BAIAP2L1: variants seen among roughly 807,000 people sequenced by gnomAD.
The protein encoded by BAIAP2L1 is BAR/IMD domain-containing adapter protein 2-like 1.
Under a neutral mutation model 66.3 loss-of-function variants are expected in BAIAP2L1, and 35 were observed. That is an observed-to-expected ratio of 0.53 (90% CI 0.40 to 0.70). The LOEUF is 0.70. BAIAP2L1 is among the 30% of genes least tolerant of loss of function. The pLI, the probability that BAIAP2L1 is intolerant of heterozygous loss-of-function variation, is 0.00. For missense variants in BAIAP2L1, 622 were observed against 656.9 expected, an observed-to-expected ratio of 0.95 and a Z score of 0.58; for synonymous variants, 269 against 248.7, an observed-to-expected ratio of 1.08 and a Z score of -0.77.
intron 2 of BAIAP2L1, among the ~76,000 whole-genome samples, chr7:98,356,661 TAATTAA>T (rs1414307869): frequency 1.8e-5 from 1 of 54,330 alleles, no homozygotes; most frequent in Non-Finnish European, 3.9e-5. Flanking sequence ...CATTCCTGGC[TAATTAA>T]AAAAAAAAAA....
chr7:98,292,880 A>G lies in BAIAP2L1; in HGVS notation c.*641T>C. ...CCAAGAAAAGGAGCTCTCGGAGGAG[A>G]TTTCGTCGAGTGCTACGTGTGGCTG... On this transcript the variant is annotated 3_prime_UTR_variant, in exon 14 of 14. Coordinates refer to ENST00000005260, the MANE Select transcript of BAIAP2L1 (RefSeq NM_018842.5). 1.4e-6 allele frequency: 2 copies of G among 1,438,912 alleles called. No homozygotes were observed. 89.1% of individuals were successfully genotyped at this position (1,438,912 alleles called of 1,614,324 possible).
At position 98,396,938 on chromosome 7, in the gene BAIAP2L1, A is replaced by G. The variant is rs143355109; in HGVS notation, c.51+3864T>C. Among the ~76,000 whole-genome samples, 936 of 152,360 alleles carry G rather than the reference A, an allele frequency of 6.1e-3. 5 individuals are homozygous for G. Among genetic ancestry groups the G allele is most frequent in the Non-Finnish European group, 0.01 (698 of 68,032 alleles). On this transcript the variant is annotated intron_variant, in intron 1 of 13. Transcript: ENST00000005260. ...CAGGTGCTTCACACATTAAATGGAT[A>G]AATGTCCATTCATTCAACAAATATG...
rs995269752 is a variant in BAIAP2L1, at chr7:98,377,616, C to T, written c.52-15184G>A. 3.3e-5 allele frequency among the ~76,000 whole-genome samples: 5 copies of T among 151,908 alleles called. 1 individual carries two copies. The highest frequency in any genetic ancestry group is 2.6e-4 in the Admixed American group (4 of 15,220). On this transcript the variant is annotated intron_variant, in intron 1 of 13. Coordinates refer to ENST00000005260, the MANE Select transcript of BAIAP2L1 (RefSeq NM_018842.5). ...GGTGGATCACCAGAGGTCAGGAGTT[C>T]GAGATCAGCCTGGCTAACATGGTGA...
At chr7:98,373,743 A>G (rs1478140891) in intron 1 of BAIAP2L1, among the ~76,000 whole-genome samples, 2 of 152,196 alleles carry the variant, frequency 1.3e-5, no homozygotes, top group African/African-American at 4.8e-5. Context: ...CTAAGAGAAA[A>G]GCTCTAAAAT....
At position 98,354,768 on chromosome 7, in the gene BAIAP2L1, C is replaced by T. The variant is rs755037637; in HGVS notation, c.214+274G>A. On this transcript the variant is annotated intron_variant, in intron 3 of 13. Coordinates refer to ENST00000005260, the MANE Select transcript of BAIAP2L1 (RefSeq NM_018842.5). Reference sequence around the variant, plus strand: ...TCAGGAATGTAGGTCAAACTCCCAGCGGGAAGGGTGAGAGCCCAGGCACCC... The same window carrying T: ...TCAGGAATGTAGGTCAAACTCCCAGTGGGAAGGGTGAGAGCCCAGGCACCC... Among the ~76,000 whole-genome samples, 9 of 152,164 alleles carry T rather than the reference C, an allele frequency of 5.9e-5. No individual in the cohort carries two copies. The South Asian group carries it at 6.2e-4, about 10-fold the overall frequency.
intron 1 of BAIAP2L1, among the ~76,000 whole-genome samples, chr7:98,393,134 C>CATAT (rs1562796014): frequency 4.2e-5 from 3 of 71,462 alleles, no homozygotes; most frequent in African/African-American, 1.5e-4. Flanking sequence ...TATATATACA[C>CATAT]ACATATGTGT....
intron 5 of BAIAP2L1, among the ~76,000 whole-genome samples, chr7:98,317,681 C>T (rs962198865): frequency 6.7e-6 from 1 of 149,366 alleles, no homozygotes; most frequent in African/African-American, 2.5e-5. Flanking sequence ...ACTCATTTCA[C>T]ACCATCCTTA....
intron 2 of BAIAP2L1, among the ~76,000 whole-genome samples, chr7:98,358,525 T>A (rs1236905082): frequency 1.3e-5 from 2 of 151,832 alleles, no homozygotes; most frequent in Non-Finnish European, 2.9e-5. Context: ...ACCTAGCTAA[T>A]TTTTTATTTT....
intron 3 of BAIAP2L1, among the ~76,000 whole-genome samples, chr7:98,329,479 CCCA>C (rs899452988): frequency 5.3e-5 from 8 of 152,140 alleles, no homozygotes; most frequent in African/African-American, 1.9e-4. Context: ...GTCTAGGAGT[CCCA>C]CCACATTCTC....
Position 98,293,637 on chromosome 7 carries a change from C to T in BAIAP2L1, c.1461-41G>A, listed in dbSNP as rs58626746. ...AAAATCTTTCAGAACTTCTGCTCTA[C>T]GAGGGAAACTGGATTTTAACAGTGC... is the stretch of plus-strand genomic sequence containing the variant. On this transcript the variant is annotated intron_variant, in intron 13 of 13. Transcript: ENST00000005260. 1,843 of 1,581,364 alleles carry T rather than the reference C, an allele frequency of 1.2e-3. 23 individuals carry two copies. In the African/African-American group the frequency reaches 0.022, roughly 19 times the overall value.
chr7:98,313,145 CCCCACCCCCAACTGTCA>C (rs869128996), intron 7 of BAIAP2L1, among the ~76,000 whole-genome samples: 1 of 148,372 alleles, frequency 6.7e-6, no homozygotes, highest in African/African-American at 2.5e-5. Flanking sequence ...CCAACTGTCA[CCCCACCCCCAACTGTCA>C]CCCTGACACT....
intron 1 of BAIAP2L1, among the ~76,000 whole-genome samples, chr7:98,368,821 T>G (rs1365251458): frequency 2.6e-5 from 4 of 151,704 alleles, no homozygotes; most frequent in Admixed American, 2.6e-4. Context: ...TTTTTTTGGC[T>G]AGTAGCATTC....
At chr7:98,379,059 G>A (rs1802698062) in intron 1 of BAIAP2L1, among the ~76,000 whole-genome samples, 1 of 152,078 alleles carries the variant, frequency 6.6e-6, no homozygotes, top group African/African-American at 2.4e-5. Context: ...TCAATCTCCT[G>A]ACCTCGTGAT....
intron 3 of BAIAP2L1, among the ~76,000 whole-genome samples, chr7:98,348,050 T>C (rs551637510): frequency 1.3e-5 from 2 of 152,046 alleles, no homozygotes; most frequent in South Asian, 4.1e-4. Flanking sequence ...GACCGGTTAA[T>C]GGGTACAGCA....
At chr7:98,298,348 C>CA (rs1562963173) in intron 12 of BAIAP2L1, among the ~76,000 whole-genome samples, 1 of 152,180 alleles carries the variant, frequency 6.6e-6, no homozygotes, top group Non-Finnish European at 1.5e-5. Flanking sequence ...TGCGGTGGCT[C>CA]ACGCCTGTAA....
intron 3 of BAIAP2L1, among the ~76,000 whole-genome samples, chr7:98,340,052 T>C (rs1452490699): frequency 6.6e-6 from 1 of 152,128 alleles, no homozygotes; most frequent in Non-Finnish European, 1.5e-5. Context: ...ACAATATACT[T>C]CAAGGAGAAA....
intron 1 of BAIAP2L1, among the ~76,000 whole-genome samples, chr7:98,375,463 C>T (rs1306591173): frequency 1.3e-5 from 2 of 150,782 alleles, no homozygotes; most frequent in East Asian, 3.9e-4. Context: ...GAATTACTAA[C>T]AGTTGGCCAG....
At chr7:98,334,456 C>T (rs1333750904) in intron 3 of BAIAP2L1, among the ~76,000 whole-genome samples, 1 of 152,026 alleles carries the variant, frequency 6.6e-6, no homozygotes, top group Non-Finnish European at 1.5e-5. Context: ...CCTTTTAGTC[C>T]TAATAATACC....
At chr7:98,362,636 C>T (rs1584486422) in intron 1 of BAIAP2L1, among the ~76,000 whole-genome samples, 2 of 152,262 alleles carry the variant, frequency 1.3e-5, no homozygotes, top group East Asian at 3.9e-4. Flanking sequence ...GTGCCCGTAA[C>T]CCTGGCAGTT....
Sources: gnomAD v4.1 joint callset for allele counts (sites outside exome capture counted in the v4.1 genomes callset) on GRCh38, gnomAD v4.1.1 for gene constraint, MANE v1.5 for transcripts, NCBI Gene and HGNC (gene_info 2026-07-23, HGNC 2026-07-21) for gene names.